The following PTPRT variants were observed in gnomAD, a reference collection of about 807,000 sequenced individuals.
PTPRT encodes the protein protein tyrosine phosphatase receptor type T, also known as receptor-type tyrosine-protein phosphatase T.
A neutral mutation model predicts 176.8 loss-of-function variants in PTPRT; 56 were observed. That is an observed-to-expected ratio of 0.32 (90% CI 0.26 to 0.40). The LOEUF is 0.40. Among genes scored for constraint, PTPRT ranks in the 10% least tolerant of loss-of-function variants. PTPRT has a pLI of 1.00. For synonymous variants in PTPRT, 783 were observed against 739.0 expected, an observed-to-expected ratio of 1.06 and a Z score of -0.96; for missense variants, 1,540 against 1,908.2, an observed-to-expected ratio of 0.81 and a Z score of 3.60.
intron 6 of PTPRT, among the ~76,000 whole-genome samples, chr20:42,714,249 G>A (rs550003629): frequency 3.3e-5 from 5 of 152,280 alleles, no homozygotes; most frequent in Admixed American, 2.6e-4. Flanking sequence ...GAAAAGGCAA[G>A]ACCACATTTT....
At chr20:42,212,634 A>C (rs1473959755) in intron 15 of PTPRT, among the ~76,000 whole-genome samples, 1 of 152,144 alleles carries the variant, frequency 6.6e-6, no homozygotes, top group Non-Finnish European at 1.5e-5. Flanking sequence ...TCTGCATGCC[A>C]GTTTCCTCCT....
At chr20:42,178,119 G>A (rs969284626) in intron 16 of PTPRT, among the ~76,000 whole-genome samples, 1 of 152,028 alleles carries the variant, frequency 6.6e-6, no homozygotes, top group African/African-American at 2.4e-5. Context: ...TGTATTTTTA[G>A]TAGAGATAAG....
chr20:42,794,501 C>T (rs1236144206), intron 2 of PTPRT, among the ~76,000 whole-genome samples: 1 of 152,132 alleles, frequency 6.6e-6, no homozygotes, highest in Non-Finnish European at 1.5e-5. Flanking sequence ...AATCATTGGC[C>T]CATTCTATTT....
intron 1 of PTPRT, among the ~76,000 whole-genome samples, chr20:42,931,078 A>C (rs555686830): frequency 6.6e-6 from 1 of 152,298 alleles, no homozygotes; most frequent in African/African-American, 2.4e-5. Flanking sequence ...TTTGGGTGCC[A>C]AGCTCTCAGA....
chr20:42,684,019 T>C (rs574477317), intron 6 of PTPRT, among the ~76,000 whole-genome samples: 2 of 152,158 alleles, frequency 1.3e-5, no homozygotes, highest in Non-Finnish European at 2.9e-5. Context: ...ACAACCTAAG[T>C]AGATATAGCA....
intron 6 of PTPRT, among the ~76,000 whole-genome samples, chr20:42,697,873 T>C (rs4810367): frequency 0.36 from 55,295 of 152,048 alleles, 11,040 homozygotes; most frequent in African/African-American, 0.53. Flanking sequence ...AATAACAAAG[T>C]TCTCTTAAAA....
At chr20:42,294,652 A>C (rs983859685) in intron 12 of PTPRT, among the ~76,000 whole-genome samples, 1 of 152,022 alleles carries the variant, frequency 6.6e-6, no homozygotes, top group Admixed American at 6.6e-5. Flanking sequence ...AGAAAATGTC[A>C]AAACACCACA....
chr20:42,351,741 C>A (rs1000503571), intron 10 of PTPRT, among the ~76,000 whole-genome samples: 2 of 152,042 alleles, frequency 1.3e-5, no homozygotes, highest in African/African-American at 2.4e-5. Context: ...TGAGAACCTG[C>A]GCTAATGTCT....
In PTPRT at chr20:43,184,338, C is replaced by A. The variant is rs191475460; in HGVS notation, c.88+5308G>T. Among the ~76,000 whole-genome samples the A allele has an allele frequency of 1.5e-3, 222 of 152,286 alleles. 1 individual carries two copies. The highest frequency in any genetic ancestry group is 2.5e-3 in the Non-Finnish European group (168 of 68,032). ...TGATGGGGTTTCTGCACAGCCCTTC[C>A]GTGTGGATATACCTAGGAAGGACTA... On this transcript the variant is annotated intron_variant, in intron 1 of 30. Transcript: ENST00000373187.
intron 2 of PTPRT, among the ~76,000 whole-genome samples, chr20:42,855,788 T>G (rs1218491034): frequency 2.0e-5 from 3 of 151,984 alleles, no homozygotes; most frequent in Non-Finnish European, 4.4e-5. Context: ...AAATGTGTAA[T>G]GGACAGAAAA....
intron 2 of PTPRT, among the ~76,000 whole-genome samples, chr20:42,834,355 G>GA (rs528682416): frequency 9.9e-5 from 15 of 151,700 alleles, no homozygotes; most frequent in Non-Finnish European, 1.5e-4. Context: ...GGGGAAAAAG[G>GA]AAAAAAAATG....
intron 1 of PTPRT, among the ~76,000 whole-genome samples, chr20:42,961,369 C>T (rs1404178546): frequency 1.1e-4 from 16 of 152,076 alleles, no homozygotes; most frequent in Admixed American, 7.9e-4. Context: ...ATTGTGATAC[C>T]CTTACTCAGA....
rs540864687 is a variant in PTPRT at position 42,648,911 on chromosome 20, C to T, written c.1153+28955G>A. Reference sequence around the variant, plus strand: ...TCAGCTCACTGCAAGCTCTGCCTCCCGGGTTCATGCCATTCTCCTGCCTCA... The same window carrying T: ...TCAGCTCACTGCAAGCTCTGCCTCCTGGGTTCATGCCATTCTCCTGCCTCA... On this transcript the variant is annotated intron_variant, in intron 7 of 30. Coordinates refer to ENST00000373187, the MANE Select transcript of PTPRT (RefSeq NM_007050.6). Among the ~76,000 whole-genome samples, 22 of 148,868 alleles carry T rather than the reference C, an allele frequency of 1.5e-4. No homozygotes were observed. In the South Asian group the frequency reaches 1.5e-3, roughly 10 times the overall value.
At chr20:42,622,433 G>A (rs2074216524) in intron 7 of PTPRT, among the ~76,000 whole-genome samples, 1 of 152,006 alleles carries the variant, frequency 6.6e-6, no homozygotes, top group Non-Finnish European at 1.5e-5. Flanking sequence ...GTAGAGACGG[G>A]GTTTCACCTT....
intron 2 of PTPRT, among the ~76,000 whole-genome samples, chr20:42,831,036 T>C (rs977648817): frequency 3.3e-5 from 5 of 152,198 alleles, no homozygotes; most frequent in Admixed American, 6.5e-5. Flanking sequence ...TCTATTTTAA[T>C]ATTCATATGG....
At chr20:42,254,319 C>T (rs539539991) in intron 13 of PTPRT, among the ~76,000 whole-genome samples, 12 of 152,270 alleles carry the variant, frequency 7.9e-5, no homozygotes, top group Admixed American at 5.9e-4. Flanking sequence ...AGAATATTGG[C>T]GAAACTTGGG....
Position 42,791,483 on chromosome 20 carries a change from C to A in PTPRT, c.215-17G>T, listed in dbSNP as rs758897378. 1 of 1,600,386 alleles carries A rather than the reference C, an allele frequency of 6.2e-7. No homozygotes were observed. The highest frequency in any genetic ancestry group is 8.5e-7 in the Non-Finnish European group (1 of 1,172,400). ...TGAAAGATCCTGGAGACCCACAAAG[C>A]AGGTGGGAAGTAGAGACAAAGAGAA... On this transcript the variant is annotated splice_polypyrimidine_tract_variant and intron_variant, in intron 2 of 30. Transcript: ENST00000373187.
chr20:42,812,136 TAA>T (rs2077706900), intron 2 of PTPRT, among the ~76,000 whole-genome samples: 1 of 152,246 alleles, frequency 6.6e-6, no homozygotes, highest in Admixed American at 6.5e-5. Context: ...GTATTTATCC[TAA>T]GTTTTAATAG....
At chr20:42,675,319 A>C (rs911042176) in intron 7 of PTPRT, among the ~76,000 whole-genome samples, 1 of 152,228 alleles carries the variant, frequency 6.6e-6, no homozygotes, top group African/African-American at 2.4e-5. Flanking sequence ...TGAATTTCAG[A>C]ATATTTGCCT....
Sources: gnomAD v4.1 joint callset for allele counts (sites outside exome capture counted in the v4.1 genomes callset) on GRCh38, gnomAD v4.1.1 for gene constraint, MANE v1.5 for transcripts, NCBI Gene and HGNC (gene_info 2026-07-23, HGNC 2026-07-21) for gene names.